Variants in ANKRD27 observed in about 807,000 individuals in gnomAD.
ANKRD27 encodes ankyrin repeat domain 27.
In ANKRD27, 112 loss-of-function variants were observed where a neutral mutation model predicts 129.7. The ratio of observed to expected loss-of-function variants is 0.86; its 90% confidence interval spans 0.74 to 1.01. ANKRD27 has a LOEUF of 1.01. Ranked by LOEUF, ANKRD27 falls within the 50% of genes least tolerant of loss-of-function variation. The pLI, the probability that ANKRD27 is intolerant of heterozygous loss-of-function variation, is 0.00. For missense variants in ANKRD27, 1,258 were observed against 1,300.5 expected (o/e 0.97, Z 0.50); for synonymous variants, 516 against 511.2 (o/e 1.01, Z -0.13).
In ANKRD27 at chr19:32,619,757, G is replaced by A. The variant is rs181596927; in HGVS notation, c.1828-204C>T. Among the ~76,000 whole-genome samples, 36 of 152,260 alleles carry A rather than the reference G, an allele frequency of 2.4e-4. No homozygotes were observed. The East Asian group carries it at 6.0e-3, about 25-fold the overall frequency. The stretch of plus-strand genomic sequence containing the variant: ...GTGGGAACTTACGCACGATCACCCC[G>A]AAGTCGGGGCTTCCTCCCTTCACGG... On this transcript the variant is annotated intron_variant, in intron 18 of 28. Transcript: ENST00000306065.
Position 32,625,950 on chromosome 19 carries a change from T to C in ANKRD27, c.1553A>G (p.Tyr518Cys), listed in dbSNP as rs776634298. The C allele has an allele frequency of 5.6e-6, 9 of 1,610,206 alleles. No individual in the cohort carries two copies. The South Asian group carries it at 6.7e-5, about 12-fold the overall frequency. The change falls in exon 17 of 29, where the codon TAC becomes TGC. Residue 518 changes from tyrosine (Y) to cysteine (C), a missense_variant. Physicochemically the swap from Tyr to Cys is radical, Grantham distance 194. Transcript: ENST00000306065. ...YQSVTLLLLH[Y>C]KASAEVQDNN... ...GTCCTGCACTTCCGCGCTGGCCTTG[T>C]AGTGCAGCAGCAGCAGCTGCGGAGA...
chr19:32,604,279 A>G lies in ANKRD27; in HGVS notation c.2639T>C (p.Val880Ala), dbSNP rs1381892014. The G allele has an allele frequency of 1.9e-6, 3 of 1,612,526 alleles. No individual in the cohort carries two copies. Among genetic ancestry groups the G allele is most frequent in the Non-Finnish European group, 2.5e-6 (3 of 1,179,612 alleles). Residue 880 changes from valine to alanine, a missense_variant, in exon 25 of 29, where the codon GTA (valine) becomes GCA (alanine). Physicochemically the swap from Val to Ala is moderately conservative, Grantham distance 64. Transcript: ENST00000306065. ...QVLNKRQRTA[V>A]DCAEQNSKIM... ...TCCACCTACCTGTTCAGCACAGTCT[A>G]CAGCCGTGCGCTGCCGCTTGTTCAG...
chr19:32,628,368 C>A (rs1367182599), intron 14 of ANKRD27, among the ~76,000 whole-genome samples: 1 of 152,198 alleles, frequency 6.6e-6, no homozygotes, highest in South Asian at 2.1e-4. Context: ...CCCCACCAAC[C>A]CTTTAGGCCT....
intron 1 of ANKRD27, among the ~76,000 whole-genome samples, chr19:32,659,481 T>C (rs1967607555): frequency 6.6e-6 from 1 of 152,172 alleles, no homozygotes; most frequent in Non-Finnish European, 1.5e-5. Flanking sequence ...AAATCTCAAA[T>C]ACAACCCACT....
intron 10 of ANKRD27, 47 bp from the exon 11 acceptor site, chr19:32,640,432 G>T: frequency 6.6e-7 from 1 of 1,513,550 alleles, no homozygotes; most frequent in South Asian, 1.1e-5. Flanking sequence ...GATTCAAATG[G>T]ACTGACAAGC....
chr19:32,612,197 T>C lies in ANKRD27; in HGVS notation c.2175+3461A>G, dbSNP rs540664859. The stretch of plus-strand genomic sequence containing the variant: ...GCAGGATCTGTATGCTGAAAAAAAA[T>C]CACAAAATGTTGATGAAAGAAGTCA... On this transcript the variant is annotated intron_variant, in intron 22 of 28. Transcript: ENST00000306065. 7.4e-4 allele frequency among the ~76,000 whole-genome samples: 112 copies of C among 152,138 alleles called. 1 individual carries two copies. The highest frequency in any genetic ancestry group is 2.4e-3 in the African/African-American group (101 of 41,518).
At position 32,607,801 on chromosome 19, in the gene ANKRD27, C is replaced by A; in HGVS notation, c.2207G>T (p.Gly736Val). The change falls in exon 23 of 29, where the codon GGT becomes GTT. Residue 736 changes from glycine (G) to valine (V), a missense_variant. Gly to Val is a moderately radical substitution (Grantham distance 109). Coordinates refer to ENST00000306065, the MANE Select transcript of ANKRD27 (RefSeq NM_032139.3). ...GCCGTCCTGGCTGGTCACGTTCACA[C>A]CAAGCCCACTGGCAGGAACCTTCGC... The part of the protein sequence containing the change: ...RLAKVPASGL[G>V]VNVTSQDGSS... 1 of 1,609,914 alleles carries A rather than the reference C, an allele frequency of 6.2e-7. No homozygotes were observed. The highest frequency in any genetic ancestry group is 1.7e-5 in the Admixed American group (1 of 59,374).
In ANKRD27 at chr19:32,658,114, A is replaced by C. The variant is rs1599772055; in HGVS notation, c.102+800T>G. Among the ~76,000 whole-genome samples the C allele has an allele frequency of 1.3e-5, 2 of 152,328 alleles. 1 individual carries two copies. The highest frequency in any genetic ancestry group is 1.3e-4 in the Admixed American group (2 of 15,292). ...CCTCAGGCACCTCACATATCTAAGT[A>C]AAGTCGCCCCACGGGATAAGAGAAG... On this transcript the variant is annotated intron_variant, in intron 2 of 28. Transcript: ENST00000306065.
At chr19:32,647,648 A>G (rs1967328677) in intron 3 of ANKRD27, among the ~76,000 whole-genome samples, 1 of 152,240 alleles carries the variant, frequency 6.6e-6, no homozygotes, top group Admixed American at 6.5e-5. Flanking sequence ...CCTGTGGCTC[A>G]CAAGACACAC....
At chr19:32,619,163 G>A in intron 20 of ANKRD27, 97 bp downstream of exon 20, 1 of 1,476,424 alleles carries the variant, frequency 6.8e-7, no homozygotes, top group South Asian at 1.3e-5. Context: ...AGCAGGCTGA[G>A]AGGGCGGCCC....
intron 1 of ANKRD27, chr19:32,666,172 A>G (rs764461074): frequency 2.0e-5 from 3 of 152,234 alleles, no homozygotes; most frequent in East Asian, 1.9e-4. Context: ...GACTTTTATT[A>G]GACTATTTAT....
intron 28 of ANKRD27, among the ~76,000 whole-genome samples, chr19:32,599,004 G>A (rs1226073688): frequency 6.6e-6 from 1 of 152,152 alleles, no homozygotes; most frequent in Non-Finnish European, 1.5e-5. Flanking sequence ...TAGGGTCCGG[G>A]CACGGTGGCT....
intron 18 of ANKRD27, among the ~76,000 whole-genome samples, chr19:32,620,638 G>A (rs1160916057): frequency 1.3e-5 from 2 of 151,618 alleles, no homozygotes; most frequent in Admixed American, 1.3e-4. Context: ...TGTAATCCCA[G>A]CACTTTAAGG....
chr19:32,617,677 T>A, intron 20 of ANKRD27, 44 bp from the exon 21 acceptor site: 1 of 693,278 alleles, frequency 1.4e-6, no homozygotes, highest in Non-Finnish European at 2.6e-6. Flanking sequence ...ATTTCAACAA[T>A]AAAATAATAA....
chr19:32,651,618 C>A (rs1163238113), intron 2 of ANKRD27, among the ~76,000 whole-genome samples: 1 of 152,172 alleles, frequency 6.6e-6, no homozygotes, highest in East Asian at 1.9e-4. Context: ...GATCTGCCCA[C>A]CTCAGCCTCT....
In ANKRD27 at chr19:32,640,323, T is replaced by C; in HGVS notation, c.967A>G (p.Thr323Ala). ...AAATGTTACCAATTAGGGATCTCCG[T>C]TTTCACAAGCAAGTATAACAGGACT... ...LSVLLYLLVK[T>A]EIPNWMANLS... The change falls in exon 11 of 29, where the codon ACG (threonine) becomes GCG (alanine). Residue 323 changes from threonine to alanine, a missense_variant. Thr to Ala is a moderately conservative substitution (Grantham distance 58). Coordinates refer to ENST00000306065, the MANE Select transcript of ANKRD27 (RefSeq NM_032139.3). 6.2e-7 allele frequency: 1 copy of C among 1,613,660 alleles called. No homozygotes were observed. Among genetic ancestry groups the C allele is most frequent in the Non-Finnish European group, 8.5e-7 (1 of 1,179,696 alleles).
intron 22 of ANKRD27, among the ~76,000 whole-genome samples, chr19:32,610,993 TAAAA>T (rs1338097672): frequency 1.0e-4 from 3 of 28,642 alleles, no homozygotes; most frequent in Non-Finnish European, 4.5e-4. Context: ...AAAATTAAAA[TAAAA>T]TAAAATAAAA....
chr19:32,626,624 G>T, intron 16 of ANKRD27, 88 bp downstream of exon 16: 1 of 989,774 alleles, frequency 1.0e-6, no homozygotes, highest in Non-Finnish European at 1.5e-6. Context: ...CAGGGGTGCA[G>T]GGTAGCCAGC....
At chr19:32,604,920 A>C (rs937414651) in intron 24 of ANKRD27, among the ~76,000 whole-genome samples, 2 of 152,002 alleles carry the variant, frequency 1.3e-5, no homozygotes, top group Admixed American at 1.3e-4. Context: ...AAAAACAAAA[A>C]AATTAGCTGG....
Sources: allele counts gnomAD v4.1 joint callset (sites outside exome capture counted in the v4.1 genomes callset), GRCh38; gene constraint gnomAD v4.1.1; transcripts MANE v1.5; gene names NCBI Gene and HGNC (gene_info 2026-07-23, HGNC 2026-07-21).